ANK2: variants seen among roughly 807,000 people sequenced by gnomAD.
The protein encoded by ANK2 is ankyrin 2, also known as ankyrin-2.
A neutral mutation model predicts 360.5 loss-of-function variants in ANK2; 83 were observed. That is an observed-to-expected ratio of 0.23 (90% CI 0.19 to 0.28). The LOEUF (loss-of-function observed/expected upper bound fraction) is 0.28. Among genes scored for constraint, ANK2 ranks in the 10% least tolerant of loss-of-function variants. The probability of loss-of-function intolerance (pLI) is 1.00; values close to 1 mark genes in which losing one functional copy is unlikely to be tolerated. For synonymous variants in ANK2, 1,740 were observed against 1,759.5 expected, an observed-to-expected ratio of 0.99 and a Z score of 0.28; for missense variants, 4,201 against 4,795.7, an observed-to-expected ratio of 0.88 and a Z score of 3.66.
chr4:112,902,560 C>G (rs1260254773), intron 1 of ANK2, among the ~76,000 whole-genome samples: 2 of 152,160 alleles, frequency 1.3e-5, no homozygotes, highest in African/African-American at 4.8e-5. Flanking sequence ...CTTCTTATTT[C>G]AATTTGATTA....
the ANK2 span, among the ~76,000 whole-genome samples, chr4:112,760,224 T>C: frequency 6.6e-6 from 1 of 151,742 alleles, no homozygotes; most frequent in Admixed American, 6.6e-5. Flanking sequence ...TCTCGCTCTG[T>C]TGTCCGGGCT....
At chr4:113,228,288 C>T (rs988728809) in intron 4 of ANK2, among the ~76,000 whole-genome samples, 4 of 152,134 alleles carry the variant, frequency 2.6e-5, no homozygotes, top group South Asian at 2.1e-4. Context: ...ACCCATCACC[C>T]GGGCAGTATA....
chr4:112,874,080 CTTTTTTTTT>C (rs544871774), intron 1 of ANK2, among the ~76,000 whole-genome samples: 1 of 122,140 alleles, frequency 8.2e-6, no homozygotes, highest in Non-Finnish European at 1.7e-5. Context: ...TTGGGGTTCT[CTTTTTTTTT>C]TTTTTTTTTT....
chr4:112,750,392 T>G, the ANK2 span, among the ~76,000 whole-genome samples: 1 of 152,178 alleles, frequency 6.6e-6, no homozygotes, highest in Non-Finnish European at 1.5e-5. Context: ...AATATTGTAT[T>G]TTTACATACC....
chr4:113,318,536 A>T lies in ANK2; in HGVS notation c.2816A>T (p.Glu939Val). The T allele has an allele frequency of 6.2e-7, 1 of 1,613,744 alleles. No individual in the cohort carries two copies. Among genetic ancestry groups the T allele is most frequent in the Non-Finnish European group, 8.5e-7 (1 of 1,179,812 alleles). Residue 939 changes from glutamate (E) to valine (V), a missense_variant, in exon 26 of 46, where the codon GAG becomes GTG. Transcript: ENST00000357077. ...PSHQVSTLAK[E>V]AERNSYRLSW... ...GTTTAGGTGTCAACTCTAGCCAAGG[A>T]GGCAGAAAGGAATTCTTATCGCCTA...
rs2096025382 is a variant in ANK2, at chr4:113,359,058, G to A, written c.10440G>A (p.Glu3480=). 6.2e-7 allele frequency: 1 copy of A among 1,614,126 alleles called. No individual in the cohort carries two copies. The highest frequency in any genetic ancestry group is 2.2e-5 in the East Asian group (1 of 44,878). Residue 3480 remains glutamate (E), a synonymous_variant, in exon 38 of 46, where the codon GAG becomes GAA. Coordinates refer to ENST00000357077, the MANE Select transcript of ANK2 (RefSeq NM_001148.6). The part of the protein sequence containing the change: ...LYRNSIEFFE[E]ISDEASKLVD... ...GAAATTCCATAGAATTCTTTGAGGAGATTAGTGATGAGGCTTCCAAATTAG... is the reference window on the plus strand; with the variant it reads ...GAAATTCCATAGAATTCTTTGAGGAAATTAGTGATGAGGCTTCCAAATTAG...
At chr4:113,326,421 G>A (rs1282925336) in intron 26 of ANK2, among the ~76,000 whole-genome samples, 1 of 151,990 alleles carries the variant, frequency 6.6e-6, no homozygotes, top group East Asian at 1.9e-4. Flanking sequence ...TGTAAATTCA[G>A]CATTTTTATC....
intron 45 of ANK2, among the ~76,000 whole-genome samples, chr4:113,375,813 CA>C (rs1246392772): frequency 6.6e-6 from 1 of 151,760 alleles, no homozygotes; most frequent in Non-Finnish European, 1.5e-5. Context: ...TGCTGAAAAC[CA>C]AAACAAATTT....
intron 2 of ANK2, among the ~76,000 whole-genome samples, chr4:112,959,991 A>G (rs1448895650): frequency 6.6e-6 from 1 of 152,202 alleles, no homozygotes; most frequent in Non-Finnish European, 1.5e-5. Context: ...GAAAAAGTGT[A>G]CATAGTGGAA....
At chr4:113,320,179 G>T (rs1235467826) in intron 26 of ANK2, among the ~76,000 whole-genome samples, 1 of 152,130 alleles carries the variant, frequency 6.6e-6, no homozygotes. Flanking sequence ...TAATTATGGT[G>T]CACTACTTAT....
the ANK2 span, among the ~76,000 whole-genome samples, chr4:112,806,844 A>AG: frequency 2.6e-5 from 4 of 152,188 alleles, no homozygotes; most frequent in Admixed American, 6.5e-5. Flanking sequence ...AAAGAAAAAA[A>AG]TGAAAAAATA....
At chr4:113,197,107 T>A (rs984049910) in intron 3 of ANK2, among the ~76,000 whole-genome samples, 2 of 152,212 alleles carry the variant, frequency 1.3e-5, no homozygotes, top group African/African-American at 4.8e-5. Flanking sequence ...TGTGGGAAAC[T>A]TCTCTATGGA....
intron 2 of ANK2, among the ~76,000 whole-genome samples, chr4:112,999,186 A>G (rs1010545887): frequency 2.6e-5 from 4 of 152,202 alleles, no homozygotes; most frequent in African/African-American, 9.6e-5. Context: ...ATGCTAATAG[A>G]TAATTTCTTC....
chr4:113,222,910 C>T (rs2099167480), intron 4 of ANK2, among the ~76,000 whole-genome samples: 1 of 152,112 alleles, frequency 6.6e-6, no homozygotes, highest in African/African-American at 2.4e-5. Context: ...GTATATGATA[C>T]TTTAATTAAT....
chr4:113,145,740 G>C, intron 1 of ANK2: 1 of 1,174,284 alleles, frequency 8.5e-7, no homozygotes, highest in Non-Finnish European at 1.1e-6. Flanking sequence ...GAGGGGCGTG[G>C]AAGGGAACTG....
In ANK2 at chr4:113,348,423, A is replaced by G. The variant is rs112418425; in HGVS notation, c.4404+115A>G. ...GGTAGGCGGTTCTTCTTAGTAATTA[A>G]AGGGGCACAATTTTACTTAACCTCT... On this transcript the variant is annotated intron_variant, in intron 36 of 45. Coordinates refer to ENST00000357077, the MANE Select transcript of ANK2 (RefSeq NM_001148.6). 1.0e-5 allele frequency: 11 copies of G among 1,093,894 alleles called. No individual in the cohort carries two copies. The African/African-American group carries it at 1.1e-4, about 11-fold the overall frequency. The allele number at this position is 1,093,894 out of a possible 1,614,324, so 67.8% of individuals were successfully genotyped here.
intron 41 of ANK2, 143 bp downstream of exon 41, chr4:113,365,325 T>C (rs2096480329): frequency 1.1e-6 from 1 of 888,522 alleles, no homozygotes; most frequent in Non-Finnish European, 1.7e-6. Context: ...ATATGTTCTT[T>C]TCCTTGCTAC....
chr4:112,958,043 C>G lies in ANK2; in HGVS notation c.21+53529C>G, dbSNP rs1473500447. Among the ~76,000 whole-genome samples the G allele has an allele frequency of 2.5e-3, 372 of 151,408 alleles. 1 individual carries two copies. The highest frequency in any genetic ancestry group is 3.1e-3 in the Admixed American group (48 of 15,242). On this transcript the variant is annotated intron_variant, in intron 2 of 30. Transcript: ENST00000503271. ...CTCACTTCCTAGATGGGTTGGTGGC[C>G]GGGAAGAGGCGCTCCTCACTTCCTA... is the stretch of plus-strand genomic sequence containing the variant.
intron 1 of ANK2, among the ~76,000 whole-genome samples, chr4:113,086,438 C>T (rs2084806496): frequency 6.6e-6 from 1 of 152,144 alleles, no homozygotes; most frequent in East Asian, 1.9e-4. Flanking sequence ...CAAAAACATA[C>T]ATCATTCTTT....
Sources: gnomAD v4.1 joint callset for allele counts (sites outside exome capture counted in the v4.1 genomes callset) on GRCh38, gnomAD v4.1.1 for gene constraint, MANE v1.5 for transcripts, NCBI Gene and HGNC (gene_info 2026-07-23, HGNC 2026-07-21) for gene names.